The following WDR41 variants were observed in gnomAD, a reference collection of about 807,000 sequenced individuals.
WDR41 encodes the protein WD repeat domain 41.
A neutral mutation model predicts 69.3 loss-of-function variants in WDR41; 63 were observed. That is an observed-to-expected ratio of 0.91 (90% CI 0.74 to 1.12). The LOEUF is 1.12. WDR41 is among the 50% of genes most tolerant of loss of function. The probability of loss-of-function intolerance (pLI) is 0.00; values close to 1 mark genes in which losing one functional copy is unlikely to be tolerated. For synonymous variants in WDR41, 185 were observed against 192.1 expected, an observed-to-expected ratio of 0.96 and a Z score of 0.31; for missense variants, 543 against 534.5, an observed-to-expected ratio of 1.02 and a Z score of -0.16.
At chr5:77,463,791 T>G (rs3797644) in intron 3 of WDR41, among the ~76,000 whole-genome samples, 38,919 of 152,056 alleles carry the variant, frequency 0.26, 5,753 homozygotes, top group Non-Finnish European at 0.33. Context: ...TACCAAGTAG[T>G]AAACATGCAA....
At chr5:77,593,273 G>A (rs931272016) in intron 1 of WDR41, among the ~76,000 whole-genome samples, 1 of 152,128 alleles carries the variant, frequency 6.6e-6, no homozygotes, top group African/African-American at 2.4e-5. Flanking sequence ...GAGGAATGTT[G>A]TATCTGAATT....
chr5:77,434,062 G>A (rs999085987), intron 12 of WDR41, among the ~76,000 whole-genome samples: 1 of 152,348 alleles, frequency 6.6e-6, no homozygotes, highest in Admixed American at 6.5e-5. Flanking sequence ...GGGCGTGGTG[G>A]CTCACACCTG....
At chr5:77,470,346 G>A (rs1461704759) in intron 2 of WDR41, among the ~76,000 whole-genome samples, 6 of 152,138 alleles carry the variant, frequency 3.9e-5, no homozygotes, top group South Asian at 2.1e-4. Context: ...AAAGACCATC[G>A]AGGCTAGGAA....
At chr5:77,575,694 C>G (rs547040538) in intron 1 of WDR41, among the ~76,000 whole-genome samples, 1 of 152,090 alleles carries the variant, frequency 6.6e-6, no homozygotes, top group East Asian at 1.9e-4. Context: ...AGGAAAAATG[C>G]TATCCTTTTT....
chr5:77,605,884 G>T (rs1744408246), intron 1 of WDR41, among the ~76,000 whole-genome samples: 1 of 152,066 alleles, frequency 6.6e-6, no homozygotes, highest in Non-Finnish European at 1.5e-5. Context: ...CTATATCATG[G>T]AAGGATATAG....
At position 77,523,569 on chromosome 5, in the gene WDR41, C is replaced by G. The variant is rs549205211; in HGVS notation, c.43-33997G>C. On this transcript the variant is annotated intron_variant, in intron 1 of 5. Coordinates refer to the WDR41 transcript ENST00000509971. The stretch of plus-strand genomic sequence containing the variant: ...AGTGCCACACCTATAGTGCCTCACA[C>G]TGATCAGTGCTTAATTTTTTTTTTT... 5.9e-5 allele frequency among the ~76,000 whole-genome samples: 9 copies of G among 152,042 alleles called. No homozygotes were observed. The East Asian group carries it at 1.7e-3, about 29-fold the overall frequency.
chr5:77,482,634 C>T (rs903232054), intron 2 of WDR41, among the ~76,000 whole-genome samples: 1 of 151,980 alleles, frequency 6.6e-6, no homozygotes, highest in Non-Finnish European at 1.5e-5. Flanking sequence ...GTAAGACCAC[C>T]CCAAAGGCAG....
chr5:77,545,195 A>C (rs1291706995), intron 1 of WDR41, among the ~76,000 whole-genome samples: 7 of 151,058 alleles, frequency 4.6e-5, no homozygotes, highest in African/African-American at 1.5e-4. Flanking sequence ...TCCTAGCCCT[A>C]AATGCCTACA....
chr5:77,582,239 G>T, intron 1 of WDR41: 1 of 766,422 alleles, frequency 1.3e-6, no homozygotes, highest in Non-Finnish European at 2.2e-6. Context: ...TAACTTAGAT[G>T]AAATGGACAA....
intron 1 of WDR41, among the ~76,000 whole-genome samples, chr5:77,613,486 C>T (rs980847438): frequency 1.3e-4 from 19 of 151,666 alleles, no homozygotes; most frequent in East Asian, 7.7e-4. Flanking sequence ...TCAGAAATAA[C>T]GCCGCATATC....
At chr5:77,542,221 G>A (rs746117737) in intron 1 of WDR41, among the ~76,000 whole-genome samples, 4 of 152,244 alleles carry the variant, frequency 2.6e-5, no homozygotes, top group African/African-American at 4.8e-5. Context: ...GCTGAATGAC[G>A]AGAAAACATG....
chr5:77,493,628 A>G (rs970212746), upstream of WDR41, among the ~76,000 whole-genome samples: 1 of 152,192 alleles, frequency 6.6e-6, no homozygotes, highest in African/African-American at 2.4e-5. Flanking sequence ...TCTGTGTGCT[A>G]GCCCCAAATT....
In WDR41 at chr5:77,607,554, T is replaced by C. The variant is rs114340467; in HGVS notation, c.42+12925A>G. Reference sequence around the variant, plus strand: ...CTACTTACCTTGAGTAAACACAACCTCTGGACCCTGTGTCCTCCTCTAGTT... The same window carrying C: ...CTACTTACCTTGAGTAAACACAACCCCTGGACCCTGTGTCCTCCTCTAGTT... On this transcript the variant is annotated intron_variant, in intron 1 of 5. Transcript: ENST00000509971. 3.2e-3 allele frequency among the ~76,000 whole-genome samples: 487 copies of C among 152,314 alleles called. 4 individuals are homozygous for C. Among genetic ancestry groups the C allele is most frequent in the African/African-American group, 0.011 (462 of 41,578 alleles).
At position 77,514,080 on chromosome 5, in the gene WDR41, T is replaced by C. The variant is rs1389062067; in HGVS notation, c.43-24508A>G. ...AGAAAAAAACAGCATTTCTTTAAAA[T>C]GTTTTTCATACAAGTAATTATAGTA... On this transcript the variant is annotated intron_variant, in intron 1 of 5. Transcript: ENST00000509971. 3.3e-5 allele frequency among the ~76,000 whole-genome samples: 5 copies of C among 152,212 alleles called. No homozygotes were observed. In the South Asian group the frequency reaches 1.0e-3, roughly 31 times the overall value.
At chr5:77,510,350 C>A (rs1479140943) in intron 1 of WDR41, among the ~76,000 whole-genome samples, 1 of 152,182 alleles carries the variant, frequency 6.6e-6, no homozygotes, top group African/African-American at 2.4e-5. Context: ...CCCACCAGGT[C>A]CCTCCCACAA....
chr5:77,487,581 C>G lies in WDR41; in HGVS notation c.167+1876G>C, dbSNP rs555925513. On this transcript the variant is annotated intron_variant, in intron 2 of 12. Coordinates refer to ENST00000296679, the MANE Select transcript of WDR41 (RefSeq NM_018268.4). The stretch of plus-strand genomic sequence containing the variant: ...GGTACTGTTTAATAACTTTGCTGGA[C>G]TTTGTCTCTGGTTCCTAGAAGGGAG... Among the ~76,000 whole-genome samples, 3 of 152,306 alleles carry G rather than the reference C, an allele frequency of 2.0e-5. No individual in the cohort carries two copies. The South Asian group carries it at 6.2e-4, about 32-fold the overall frequency.
At chr5:77,495,578 G>GA (rs910089502), upstream of WDR41, among the ~76,000 whole-genome samples, 10 of 151,746 alleles carry the variant, frequency 6.6e-5, no homozygotes, top group African/African-American at 1.9e-4. Context: ...GAAAGAAATG[G>GA]AAAATATTAA....
intron 1 of WDR41, among the ~76,000 whole-genome samples, chr5:77,541,327 C>T (rs1028167295): frequency 2.0e-5 from 3 of 151,954 alleles, no homozygotes; most frequent in Non-Finnish European, 4.4e-5. Context: ...AGAAGACATA[C>T]ATTCAGTCAA....
chr5:77,451,748 C>T (rs945153282), intron 6 of WDR41: 1 of 166,548 alleles, frequency 6.0e-6, no homozygotes, highest in African/African-American at 2.4e-5. Flanking sequence ...CTTTAGAAGC[C>T]TGAGCAGGCT....
Sources: gnomAD v4.1 joint callset for allele counts (sites outside exome capture counted in the v4.1 genomes callset) on GRCh38, gnomAD v4.1.1 for gene constraint, MANE v1.5 for transcripts, NCBI Gene and HGNC (gene_info 2026-07-23, HGNC 2026-07-21) for gene names.